The following EDN1 variants were observed in gnomAD, a reference collection of about 807,000 sequenced individuals.
EDN1 encodes endothelin 1.
A neutral mutation model predicts 21.7 loss-of-function variants in EDN1; 11 were observed. The ratio of observed to expected loss-of-function variants is 0.51; its 90% confidence interval spans 0.32 to 0.84. The LOEUF is 0.84. Ranked by LOEUF, EDN1 falls within the 40% of genes least tolerant of loss-of-function variation. The pLI is 0.03. For missense variants in EDN1, 244 were observed against 262.3 expected (o/e 0.93, Z 0.48); for synonymous variants, 85 against 90.6 (o/e 0.94, Z 0.35).
chr6:12,264,048 A>T, the EDN1 span, among the ~76,000 whole-genome samples: 1 of 152,216 alleles, frequency 6.6e-6, no homozygotes, highest in Non-Finnish European at 1.5e-5. Flanking sequence ...ATACTCAAGG[A>T]GTTTTGCTGA....
chr6:12,256,695 T>C, the EDN1 span, among the ~76,000 whole-genome samples: 1 of 152,158 alleles, frequency 6.6e-6, no homozygotes, highest in African/African-American at 2.4e-5. Flanking sequence ...CACAACAATA[T>C]CCATTTTGAA....
the EDN1 span, among the ~76,000 whole-genome samples, chr6:12,269,330 G>C: frequency 6.6e-6 from 1 of 151,864 alleles, no homozygotes; most frequent in Admixed American, 6.6e-5. Flanking sequence ...TCTTTCTCTT[G>C]CCTAATTGTA....
chr6:12,254,831 C>T, the EDN1 span, among the ~76,000 whole-genome samples: 3 of 152,028 alleles, frequency 2.0e-5, no homozygotes, highest in African/African-American at 7.2e-5. Context: ...CAACAGATAT[C>T]AAGGATATTA....
chr6:12,252,455 T>C, the EDN1 span, among the ~76,000 whole-genome samples: 3 of 152,332 alleles, frequency 2.0e-5, no homozygotes, highest in Non-Finnish European at 4.4e-5. Context: ...ATGTTAACTG[T>C]CCAATATAAA....
the EDN1 span, among the ~76,000 whole-genome samples, chr6:12,252,885 T>TG: frequency 0.011 from 1,709 of 152,088 alleles, 27 homozygotes; most frequent in African/African-American, 0.039. Flanking sequence ...ATATCCAACC[T>TG]GTATTGAAAA....
the EDN1 span, among the ~76,000 whole-genome samples, chr6:12,238,225 G>T: frequency 1.5e-4 from 22 of 150,512 alleles, no homozygotes; most frequent in Admixed American, 1.5e-3. Context: ...ACCAATTTAA[G>T]TCCGTGCTTC....
chr6:12,285,562 G>T (rs1338985193), upstream of EDN1, among the ~76,000 whole-genome samples: 3 of 151,926 alleles, frequency 2.0e-5, no homozygotes, highest in Non-Finnish European at 4.4e-5. Context: ...GAAGATACAT[G>T]TACGAACATT....
At chr6:12,292,714 C>T (rs1325414423) in intron 2 of EDN1, among the ~76,000 whole-genome samples, 2 of 152,104 alleles carry the variant, frequency 1.3e-5, no homozygotes, top group Non-Finnish European at 2.9e-5. Context: ...TCTGAGGCCC[C>T]GTAGCTCAGG....
Position 12,293,941 on chromosome 6 carries a change from G to A in EDN1, c.234G>A (p.Glu78=). ...HLDIIWVNTP[E]HVVPYGLGSP... ...GTTTCTTTCTCTCTTTGGATAATAG[G>A]CACGTTGTTCCGTATGGACTTGGAA... The change falls in exon 3 of 5, where the codon GAG becomes GAA. Residue 78 remains glutamate (E), a splice_region_variant and synonymous_variant. Transcript: ENST00000379375. 6.2e-7 allele frequency: 1 copy of A among 1,614,094 alleles called. No individual in the cohort carries two copies. Among genetic ancestry groups the A allele is most frequent in the Non-Finnish European group, 8.5e-7 (1 of 1,179,998 alleles).
chr6:12,258,976 G>A, the EDN1 span, among the ~76,000 whole-genome samples: 1 of 152,014 alleles, frequency 6.6e-6, no homozygotes, highest in African/African-American at 2.4e-5. Context: ...TACTAAAAAT[G>A]TTAATGACAT....
the EDN1 span, among the ~76,000 whole-genome samples, chr6:12,252,452 C>A: frequency 1.3e-5 from 2 of 152,180 alleles, no homozygotes; most frequent in Non-Finnish European, 2.9e-5. Flanking sequence ...GCCATGTTAA[C>A]TGTCCAATAT....
chr6:12,247,333 C>A, the EDN1 span, among the ~76,000 whole-genome samples: 1 of 151,960 alleles, frequency 6.6e-6, no homozygotes, highest in Non-Finnish European at 1.5e-5. Flanking sequence ...AAGCCCTGGT[C>A]TTATAAATGA....
the EDN1 span, among the ~76,000 whole-genome samples, chr6:12,277,234 A>T: frequency 6.6e-6 from 1 of 152,320 alleles, no homozygotes; most frequent in South Asian, 2.1e-4. Flanking sequence ...CTACTAGGAG[A>T]TAGAATTGAT....
the EDN1 span, among the ~76,000 whole-genome samples, chr6:12,234,792 G>C: frequency 6.6e-6 from 1 of 152,124 alleles, no homozygotes; most frequent in Non-Finnish European, 1.5e-5. Flanking sequence ...TCAGAGATGG[G>C]GACTTCATTG....
At chr6:12,238,545 C>T in the EDN1 span, among the ~76,000 whole-genome samples, 4 of 152,136 alleles carry the variant, frequency 2.6e-5, no homozygotes, top group South Asian at 2.1e-4. Flanking sequence ...TGTATGGAGG[C>T]GGAGGGGAAG....
chr6:12,273,269 A>C, the EDN1 span, among the ~76,000 whole-genome samples: 1 of 152,194 alleles, frequency 6.6e-6, no homozygotes, highest in Non-Finnish European at 1.5e-5. Flanking sequence ...GCCCGTGGAA[A>C]GTTTGTGAGA....
At position 12,296,358 on chromosome 6, in the gene EDN1, C is replaced by T. The variant is rs182061188; in HGVS notation, c.*291C>T. The T allele has an allele frequency of 8.6e-3, 3,199 of 370,018 alleles. 89 individuals are homozygous for T. The highest frequency in any genetic ancestry group is 0.061 in the African/African-American group (2,955 of 48,228). The allele number at this position is 370,018 out of a possible 1,614,324, so 22.9% of individuals were successfully genotyped here. ...ACATTCGAATTCGGGTGGCATCCTC[C>T]GGAGAGAGAGAGAGGAAGGAGATTC... On this transcript the variant is annotated 3_prime_UTR_variant, in exon 5 of 5. Transcript: ENST00000379375.
chr6:12,243,727 C>G, the EDN1 span, among the ~76,000 whole-genome samples: 1 of 152,108 alleles, frequency 6.6e-6, no homozygotes, highest in African/African-American at 2.4e-5. Context: ...ATAGTTATAT[C>G]CCCAAAAGCC....
At chr6:12,271,617 T>A in the EDN1 span, among the ~76,000 whole-genome samples, 1 of 152,222 alleles carries the variant, frequency 6.6e-6, no homozygotes. Flanking sequence ...ACCAACATTA[T>A]GGTAATGAAG....
Sources: gnomAD v4.1 joint callset for allele counts (sites outside exome capture counted in the v4.1 genomes callset) on GRCh38, gnomAD v4.1.1 for gene constraint, MANE v1.5 for transcripts, NCBI Gene and HGNC (gene_info 2026-07-23, HGNC 2026-07-21) for gene names.